The following AXDND1 variants were observed in gnomAD, a reference collection of about 807,000 sequenced individuals.
AXDND1 encodes the protein axonemal dynein light chain domain containing 1.
In AXDND1, 110 loss-of-function variants were observed where a neutral mutation model predicts 137.5. That is an observed-to-expected ratio of 0.80 (90% CI 0.69 to 0.94). The LOEUF is 0.94. Ranked by LOEUF, AXDND1 falls within the 40% of genes least tolerant of loss-of-function variation. The probability of loss-of-function intolerance (pLI) is 0.00; values close to 1 mark genes in which losing one functional copy is unlikely to be tolerated. For missense variants in AXDND1, 1,191 were observed against 1,169.8 expected, an observed-to-expected ratio of 1.02 and a Z score of -0.26; for synonymous variants, 414 against 399.7, an observed-to-expected ratio of 1.04 and a Z score of -0.43.
intron 25 of AXDND1, chr1:179,551,286 G>A (rs1673225964): frequency 1.2e-6 from 2 of 1,613,960 alleles, no homozygotes; most frequent in Non-Finnish European, 1.7e-6. Context: ...AGGCAATTCA[G>A]TAGGTCAAAT....
At chr1:179,507,492 A>G (rs1668645916) in intron 20 of AXDND1, among the ~76,000 whole-genome samples, 1 of 152,218 alleles carries the variant, frequency 6.6e-6, no homozygotes, top group South Asian at 2.1e-4. Flanking sequence ...TAAAAAATGT[A>G]TTAGTCAAGC....
At chr1:179,543,760 G>A (rs1462378338) in intron 25 of AXDND1, 1 of 152,164 alleles carries the variant, frequency 6.6e-6, no homozygotes, top group African/African-American at 2.4e-5. Flanking sequence ...TTGAACTTGG[G>A]AAATGCATTC....
At chr1:179,430,918 T>C (rs1657273266) in intron 14 of AXDND1, among the ~76,000 whole-genome samples, 1 of 152,226 alleles carries the variant, frequency 6.6e-6, no homozygotes. Flanking sequence ...CTTGAGTATT[T>C]GGATCCATCT....
chr1:179,510,683 C>T (rs1202206954), intron 21 of AXDND1, among the ~76,000 whole-genome samples: 7 of 152,076 alleles, frequency 4.6e-5, no homozygotes, highest in African/African-American at 9.6e-5. Context: ...GAATCAGAGA[C>T]GTGAGAGCAG....
At chr1:179,373,552 C>T (rs1329347127) in intron 4 of AXDND1, among the ~76,000 whole-genome samples, 3 of 152,152 alleles carry the variant, frequency 2.0e-5, no homozygotes, top group African/African-American at 7.2e-5. Flanking sequence ...AAGCTGGAGG[C>T]ATCACGCTAC....
intron 2 of AXDND1, 26 bp downstream of exon 2, chr1:179,366,632 T>A: frequency 1.3e-6 from 2 of 1,556,618 alleles, no homozygotes; most frequent in South Asian, 1.1e-5. Context: ...TCTGAAGTCA[T>A]AAACAGTCAT....
At chr1:179,519,995 G>A (rs997061150) in intron 21 of AXDND1, among the ~76,000 whole-genome samples, 11 of 121,602 alleles carry the variant, frequency 9.0e-5, no homozygotes, top group East Asian at 2.5e-4. Context: ...CCATTTTAAC[G>A]ATATTGATTC....
In AXDND1 at chr1:179,383,620, G is replaced by T. The variant is rs539948453; in HGVS notation, c.741+76G>T. 70 of 1,083,432 alleles carry T rather than the reference G, an allele frequency of 6.5e-5. 1 individual carries two copies. In the East Asian group the frequency reaches 1.7e-3, roughly 27 times the overall value. The allele number at this position is 1,083,432 out of a possible 1,614,324, so 67.1% of individuals were successfully genotyped here. A position where few individuals can be genotyped will look rare whatever the true frequency, so the allele number is the denominator to read the frequency against. ...GGCAGATTGCCTAGGTTAGAATTCTGACCCTGCCATATATTTACTAATGGC... is the reference window on the plus strand; with the variant it reads ...GGCAGATTGCCTAGGTTAGAATTCTTACCCTGCCATATATTTACTAATGGC... On this transcript the variant is annotated intron_variant, in intron 8 of 25. Transcript: ENST00000367618.
chr1:179,402,165 A>AAC (rs72351934), intron 11 of AXDND1, among the ~76,000 whole-genome samples: 477 of 39,398 alleles, frequency 0.012, 1 homozygote, highest in Non-Finnish European at 0.019. Flanking sequence ...ACTCCGTCTC[A>AAC]AAAAAAAAAA....
chr1:179,429,443 T>C, intron 12 of AXDND1, 75 bp from the exon 13 acceptor site: 1 of 704,544 alleles, frequency 1.4e-6, no homozygotes, highest in East Asian at 3.1e-5. Context: ...AAAATCGATA[T>C]ATGAAATCAC....
intron 19 of AXDND1, 113 bp downstream of exon 19, chr1:179,491,850 C>G (rs1572064549): frequency 1.0e-6 from 1 of 969,098 alleles, no homozygotes. Flanking sequence ...GAAAGAAATA[C>G]TAGTTCAGTT....
At chr1:179,410,672 G>T (rs1653734849) in intron 11 of AXDND1, among the ~76,000 whole-genome samples, 1 of 152,172 alleles carries the variant, frequency 6.6e-6, no homozygotes, top group Non-Finnish European at 1.5e-5. Context: ...CTTTAATCTT[G>T]TACTAATTAT....
intron 16 of AXDND1, among the ~76,000 whole-genome samples, chr1:179,467,296 A>G (rs1249630985): frequency 1.3e-5 from 2 of 152,178 alleles, no homozygotes; most frequent in Admixed American, 6.5e-5. Flanking sequence ...TTAATTTTCT[A>G]TGGCAGCAAT....
intron 15 of AXDND1, among the ~76,000 whole-genome samples, chr1:179,437,646 G>C (rs2125336560): frequency 6.6e-6 from 1 of 151,050 alleles, no homozygotes; most frequent in East Asian, 1.9e-4. Context: ...CCAATTGGCG[G>C]TCCATCCGAT....
At chr1:179,507,926 C>A (rs1437065678) in intron 20 of AXDND1, among the ~76,000 whole-genome samples, 1 of 152,172 alleles carries the variant, frequency 6.6e-6, no homozygotes. Context: ...CCTCTGAATC[C>A]AGAATTTAAC....
rs537526635 is a variant in AXDND1 at position 179,444,823 on chromosome 1, G to A, written c.1564-147G>A. The A allele has an allele frequency of 6.2e-5, 32 of 518,148 alleles. No individual in the cohort carries two copies. In the East Asian group the frequency reaches 9.5e-4, roughly 15 times the overall value. 32.1% of individuals were successfully genotyped at this position (518,148 alleles called of 1,614,324 possible). A position where few individuals can be genotyped will look rare whatever the true frequency, so the allele number is the denominator to read the frequency against. ...ATTTTAATTTAAAAATAAGATATAT[G>A]TCATATACCATCTCTTTGGAGCATA... On this transcript the variant is annotated intron_variant, in intron 15 of 25. Coordinates refer to ENST00000367618, the MANE Select transcript of AXDND1 (RefSeq NM_144696.6).
intron 5 of AXDND1, among the ~76,000 whole-genome samples, chr1:179,379,149 T>C (rs1409712318): frequency 1.3e-5 from 2 of 152,206 alleles, no homozygotes; most frequent in Admixed American, 6.5e-5. Context: ...CTTCTGAATA[T>C]ATGGGATACA....
intron 21 of AXDND1, among the ~76,000 whole-genome samples, chr1:179,524,445 T>G (rs1670355962): frequency 1.3e-5 from 2 of 152,170 alleles, no homozygotes; most frequent in Admixed American, 1.3e-4. Context: ...GATCCATATA[T>G]TCACCTTCTT....
At chr1:179,528,174 A>G (rs552391252) in intron 22 of AXDND1, among the ~76,000 whole-genome samples, 153 bp from the exon 23 acceptor site, 1 of 152,288 alleles carries the variant, frequency 6.6e-6, no homozygotes, top group African/African-American at 2.4e-5. Flanking sequence ...AGCGTTTGCT[A>G]TGTGAAAGTC....
Sources: allele counts gnomAD v4.1 joint callset (sites outside exome capture counted in the v4.1 genomes callset), GRCh38; gene constraint gnomAD v4.1.1; transcripts MANE v1.5; gene names NCBI Gene and HGNC (gene_info 2026-07-23, HGNC 2026-07-21).